AGAP1: variants seen among roughly 807,000 people sequenced by gnomAD.
The protein encoded by AGAP1 is ArfGAP with GTPase domain, ankyrin repeat and PH domain 1.
A neutral mutation model predicts 105.3 loss-of-function variants in AGAP1; 29 were observed. The observed-to-expected ratio is 0.28, with a 90% confidence interval of 0.21 to 0.38. The LOEUF is 0.38. Among genes scored for constraint, AGAP1 ranks in the 10% least tolerant of loss-of-function variants. The pLI is 1.00. For synonymous variants in AGAP1, 509 were observed against 485.9 expected, an observed-to-expected ratio of 1.05 and a Z score of -0.63; for missense variants, 998 against 1,165.1, an observed-to-expected ratio of 0.86 and a Z score of 2.09.
At chr2:235,764,318 G>A (rs906555024) in intron 6 of AGAP1, among the ~76,000 whole-genome samples, 1 of 152,140 alleles carries the variant, frequency 6.6e-6, no homozygotes, top group African/African-American at 2.4e-5. Context: ...CACAGAAACC[G>A]ATTTTCAGGG....
intron 1 of AGAP1, among the ~76,000 whole-genome samples, chr2:235,666,743 G>A (rs1169394228): frequency 6.6e-6 from 1 of 151,616 alleles, no homozygotes; most frequent in East Asian, 1.9e-4. Context: ...AAACAGTCCA[G>A]TGTTTTAGCC....
chr2:235,539,289 C>A (rs1943355358), intron 1 of AGAP1, among the ~76,000 whole-genome samples: 1 of 152,196 alleles, frequency 6.6e-6, no homozygotes, highest in African/African-American at 2.4e-5. Context: ...CTTAGATATA[C>A]CATCAGGGCA....
chr2:235,954,651 CT>C (rs1318285446), intron 12 of AGAP1, among the ~76,000 whole-genome samples: 4 of 151,334 alleles, frequency 2.6e-5, no homozygotes, highest in Non-Finnish European at 5.9e-5. Flanking sequence ...ACAAGGGGAG[CT>C]TCAGCACACC....
Position 235,553,110 on chromosome 2 carries a change from C to T in AGAP1, c.163+58261C>T, listed in dbSNP as rs1408917626. 2.0e-5 allele frequency among the ~76,000 whole-genome samples: 3 copies of T among 152,228 alleles called. No individual in the cohort carries two copies. Among genetic ancestry groups the T allele is most frequent in the African/African-American group, 7.2e-5 (3 of 41,454 alleles). On this transcript the variant is annotated intron_variant, in intron 1 of 17. Transcript: ENST00000304032. This position sits in a 1 kb window ranked among gnomAD's most constrained non-coding sequence, Gnocchi z 4.5. ...CTATAACTGAATATACAGTCAGCTACTCACCACTCGAAAGCCAGACTTGAG... is the reference window on the plus strand; with the variant it reads ...CTATAACTGAATATACAGTCAGCTATTCACCACTCGAAAGCCAGACTTGAG...
intron 15 of AGAP1, among the ~76,000 whole-genome samples, chr2:236,043,699 C>T (rs965438620): frequency 8.3e-5 from 12 of 144,530 alleles, no homozygotes; most frequent in African/African-American, 1.3e-4. Flanking sequence ...CCATCCTGGG[C>T]GACAGAGTGA....
At chr2:235,507,411 C>T (rs1451784833) in intron 1 of AGAP1, 2 of 152,342 alleles carry the variant, frequency 1.3e-5, no homozygotes, top group Non-Finnish European at 2.9e-5. Context: ...TCTGCAGCAG[C>T]AGCCGGTGCG....
chr2:235,710,696 C>T (rs1029307616), intron 2 of AGAP1, among the ~76,000 whole-genome samples: 1 of 152,180 alleles, frequency 6.6e-6, no homozygotes, highest in Non-Finnish European at 1.5e-5. Context: ...CTATTGAAGC[C>T]GTCCAGGAAA....
intron 16 of AGAP1, among the ~76,000 whole-genome samples, chr2:236,077,054 A>G (rs2058654566): frequency 6.6e-6 from 1 of 150,494 alleles, no homozygotes; most frequent in African/African-American, 2.4e-5. Flanking sequence ...AGGTTGCAGT[A>G]AGCTATGATT....
chr2:235,583,540 C>T (rs1945003887), intron 1 of AGAP1, among the ~76,000 whole-genome samples: 1 of 151,188 alleles, frequency 6.6e-6, no homozygotes, highest in Non-Finnish European at 1.5e-5. Context: ...GCATGCACCA[C>T]CATACCTGGC....
chr2:235,956,548 A>G (rs2053959079), intron 12 of AGAP1, among the ~76,000 whole-genome samples: 1 of 151,928 alleles, frequency 6.6e-6, no homozygotes, highest in African/African-American at 2.4e-5. Flanking sequence ...AAGAAAGGAG[A>G]GATACCAGGA....
chr2:235,853,946 A>G (rs1318413535), intron 9 of AGAP1, among the ~76,000 whole-genome samples: 6 of 152,070 alleles, frequency 3.9e-5, no homozygotes, highest in African/African-American at 1.2e-4. Context: ...ACTAGATGCC[A>G]TAATTGAGCC....
rs564157558 is a variant in AGAP1, at chr2:235,958,265, G to A, written c.1484-10197G>A. Among the ~76,000 whole-genome samples, 6 of 152,118 alleles carry A rather than the reference G, an allele frequency of 3.9e-5. No homozygotes were observed. In the East Asian group the frequency reaches 1.2e-3, roughly 30 times the overall value. Reference sequence around the variant, plus strand: ...GGGAGAGTGGTTGGAGGTGTTTCTGGAGGGCCCTGTACTCCCTGAAATCCA... The same window carrying A: ...GGGAGAGTGGTTGGAGGTGTTTCTGAAGGGCCCTGTACTCCCTGAAATCCA... On this transcript the variant is annotated intron_variant, in intron 12 of 17. Coordinates refer to ENST00000304032, the MANE Select transcript of AGAP1 (RefSeq NM_001037131.3). This position sits in a 1 kb window ranked among gnomAD's most constrained non-coding sequence, Gnocchi z 4.1.
chr2:236,081,508 T>C (rs566850200), intron 16 of AGAP1, among the ~76,000 whole-genome samples: 1 of 152,172 alleles, frequency 6.6e-6, no homozygotes, highest in Non-Finnish European at 1.5e-5. Context: ...TTCTGACCAC[T>C]TGCAGACAGA....
chr2:235,975,132 T>A (rs2054804164), intron 13 of AGAP1, among the ~76,000 whole-genome samples: 1 of 152,244 alleles, frequency 6.6e-6, no homozygotes, highest in Non-Finnish European at 1.5e-5. Context: ...TTTCATTAAA[T>A]GTTGCCTACT....
chr2:236,120,360 C>T lies in AGAP1; in HGVS notation c.2283C>T (p.Asn761=), dbSNP rs576649397. The T allele has an allele frequency of 5.1e-5, 83 of 1,611,830 alleles. No homozygotes were observed. The highest frequency in any genetic ancestry group is 3.8e-4 in the East Asian group (17 of 44,858). The change falls in exon 17 of 18, where the codon AAC becomes AAT. Residue 761 remains asparagine (N), a synonymous_variant. Coordinates refer to ENST00000304032, the MANE Select transcript of AGAP1 (RefSeq NM_001037131.3). This position sits in a 1 kb window ranked among gnomAD's most constrained non-coding sequence, Gnocchi z 6.0. The part of the protein sequence containing the change: ...LLAHGSRDEV[N]ETCGEGDGRT... ...CACACGGCTCCCGGGACGAGGTGAA[C>T]GAGACCTGCGGGGAGGGAGACGGCC...
At chr2:235,954,921 C>T (rs2053884911) in intron 12 of AGAP1, among the ~76,000 whole-genome samples, 1 of 152,126 alleles carries the variant, frequency 6.6e-6, no homozygotes, top group South Asian at 2.1e-4. Flanking sequence ...TAGCCCCACA[C>T]CAAGCACATG....
intron 3 of AGAP1, among the ~76,000 whole-genome samples, chr2:235,722,158 C>G (rs1330479694): frequency 6.6e-6 from 1 of 152,198 alleles, no homozygotes; most frequent in Non-Finnish European, 1.5e-5. Flanking sequence ...TGCGTGCTCA[C>G]ACGTGTGTGT....
intron 1 of AGAP1, chr2:235,670,004 G>C (rs1192152757): frequency 1.3e-5 from 4 of 304,088 alleles, no homozygotes; most frequent in African/African-American, 2.2e-5. Context: ...GGGGGCGTGG[G>C]CCACACTCCC....
chr2:235,607,039 A>G (rs1443193388), intron 1 of AGAP1, among the ~76,000 whole-genome samples: 1 of 151,964 alleles, frequency 6.6e-6, no homozygotes, highest in African/African-American at 2.4e-5. Context: ...GGCCCATGAG[A>G]CTGGCAGGTG....
Sources: gnomAD v4.1 joint callset for allele counts (sites outside exome capture counted in the v4.1 genomes callset) on GRCh38, gnomAD v4.1.1 for gene constraint, Gnocchi (gnomAD v3.1) non-coding constraint, MANE v1.5 for transcripts, NCBI Gene and HGNC (gene_info 2026-07-23, HGNC 2026-07-21) for gene names.